The following FRK variants were observed in gnomAD, a reference collection of about 807,000 sequenced individuals.
FRK encodes tyrosine-protein kinase FRK.
In FRK, 51 loss-of-function variants were observed where a neutral mutation model predicts 56.4. The ratio of observed to expected loss-of-function variants is 0.90; its 90% CI spans 0.72 to 1.14. FRK has a LOEUF of 1.14. Among genes scored for constraint, FRK ranks in the 50% most tolerant of loss-of-function variants. The pLI is 0.00. For missense variants in FRK, 570 were observed against 601.4 expected (o/e 0.95, Z 0.55); for synonymous variants, 245 against 217.9 (o/e 1.12, Z -1.10).
chr6:116,041,786 C>T (rs1562300816), intron 1 of FRK, among the ~76,000 whole-genome samples: 1 of 152,212 alleles, frequency 6.6e-6, no homozygotes, highest in East Asian at 1.9e-4. Flanking sequence ...CCAATGCCAC[C>T]AGGGCCCTGG....
At chr6:115,951,782 G>T (rs1772764013) in intron 5 of FRK, among the ~76,000 whole-genome samples, 1 of 152,098 alleles carries the variant, frequency 6.6e-6, no homozygotes, top group South Asian at 2.1e-4. Context: ...TACTTTGAAG[G>T]GTGCAGTAGC....
intron 2 of FRK, among the ~76,000 whole-genome samples, chr6:115,993,986 G>A (rs964020425): frequency 1.3e-5 from 2 of 151,932 alleles, no homozygotes; most frequent in African/African-American, 4.8e-5. Flanking sequence ...AGTGAATTAT[G>A]TCTCAAATGT....
the FRK span, among the ~76,000 whole-genome samples, chr6:116,073,681 T>G: frequency 6.6e-6 from 1 of 152,170 alleles, no homozygotes; most frequent in Non-Finnish European, 1.5e-5. Context: ...TTATTTTCCT[T>G]GTACATATTA....
intron 2 of FRK, among the ~76,000 whole-genome samples, chr6:115,984,144 TCCACTGTGTATCTA>T (rs759514461): frequency 2.2e-4 from 33 of 152,222 alleles, no homozygotes; most frequent in Non-Finnish European, 4.0e-4. Context: ...GTCCTTAGCA[TCCACTGTGTATCTA>T]CCTCTGTTAT....
intron 1 of FRK, among the ~76,000 whole-genome samples, chr6:116,027,504 T>G (rs1776136086): frequency 1.3e-5 from 2 of 152,144 alleles, no homozygotes; most frequent in Non-Finnish European, 2.9e-5. Context: ...ATTTAACTTT[T>G]TAAAAACTAG....
chr6:116,012,668 G>A (rs1775514318), intron 1 of FRK, among the ~76,000 whole-genome samples: 1 of 152,080 alleles, frequency 6.6e-6, no homozygotes, highest in African/African-American at 2.4e-5. Context: ...TTCAATTTGG[G>A]CATTTTATAT....
chr6:116,062,470 A>G (rs961038344), upstream of FRK, among the ~76,000 whole-genome samples: 1 of 152,048 alleles, frequency 6.6e-6, no homozygotes, highest in Admixed American at 6.6e-5. Context: ...ATGAAAAAAA[A>G]AAAAAGAAAA....
intron 1 of FRK, among the ~76,000 whole-genome samples, chr6:116,044,380 C>A (rs546262755): frequency 6.6e-6 from 1 of 152,306 alleles, no homozygotes; most frequent in Non-Finnish European, 1.5e-5. Flanking sequence ...AAAAAGTTAT[C>A]CACCATAATC....
chr6:115,949,780 T>C (rs1278170275), intron 5 of FRK, among the ~76,000 whole-genome samples: 1 of 151,622 alleles, frequency 6.6e-6, no homozygotes, highest in Non-Finnish European at 1.5e-5. Flanking sequence ...GACTTCAAAC[T>C]ATACTACAAT....
intron 1 of FRK, among the ~76,000 whole-genome samples, chr6:116,040,225 T>A (rs914310066): frequency 2.0e-5 from 3 of 152,168 alleles, no homozygotes; most frequent in East Asian, 3.8e-4. Flanking sequence ...AAGTCATATG[T>A]AAATGACTTT....
chr6:116,062,097 C>T (rs561673584), upstream of FRK, among the ~76,000 whole-genome samples: 3 of 152,250 alleles, frequency 2.0e-5, no homozygotes, highest in African/African-American at 7.2e-5. Flanking sequence ...GTGCAAAAAT[C>T]AGTCCATAGC....
intron 1 of FRK, among the ~76,000 whole-genome samples, chr6:116,018,436 G>A (rs1284062443): frequency 6.6e-6 from 1 of 152,228 alleles, no homozygotes; most frequent in South Asian, 2.1e-4. Context: ...GCATCCTCTC[G>A]CTGTCCAGAA....
chr6:116,056,841 C>A (rs1341264829), intron 1 of FRK, among the ~76,000 whole-genome samples: 4 of 152,040 alleles, frequency 2.6e-5, no homozygotes, highest in Non-Finnish European at 5.9e-5. Context: ...TTCATAAAGA[C>A]AAAATAAATC....
At chr6:115,944,045 G>A (rs1023792719) in intron 6 of FRK, among the ~76,000 whole-genome samples, 199 bp downstream of exon 6, 2 of 152,064 alleles carry the variant, frequency 1.3e-5, no homozygotes, top group Admixed American at 1.3e-4. Context: ...GTTGGTCATT[G>A]TTTTCTTTAT....
At chr6:115,994,338 C>CCCCCCT (rs1554230544) in intron 2 of FRK, among the ~76,000 whole-genome samples, 5 of 91,758 alleles carry the variant, frequency 5.4e-5, no homozygotes, top group Non-Finnish European at 7.3e-5. Flanking sequence ...CCCCCCCCGC[C>CCCCCCT]TTTTTTTTGT....
At chr6:116,062,657 C>T (rs1193797921), upstream of FRK, among the ~76,000 whole-genome samples, 1 of 152,138 alleles carries the variant, frequency 6.6e-6, no homozygotes, top group Non-Finnish European at 1.5e-5. Flanking sequence ...AGTCATTGAG[C>T]AAGTGAGTGA....
chr6:116,028,708 T>TTAGG lies in FRK; in HGVS notation c.345-24714_345-24711dup, dbSNP rs374651864. Among the ~76,000 whole-genome samples, 599 of 152,204 alleles carry TTAGG rather than the reference T, an allele frequency of 3.9e-3. 4 individuals carry two copies. The highest frequency in any genetic ancestry group is 0.014 in the African/African-American group (579 of 41,536). ...AATTTCCCCTTTATATAAGTACATA[T>TTAGG]TAGGGCTCCATCCTATGCCCGTATG... On this transcript the variant is annotated intron_variant, in intron 1 of 7. Transcript: ENST00000606080.
At chr6:116,081,660 A>AAT in the FRK span, among the ~76,000 whole-genome samples, 7,896 of 148,752 alleles carry the variant, frequency 0.053, 242 homozygotes, top group South Asian at 0.087. Flanking sequence ...TCCATATAAA[A>AAT]ATATATATAT....
At chr6:116,031,359 A>G (rs1435773544) in intron 1 of FRK, among the ~76,000 whole-genome samples, 1 of 152,158 alleles carries the variant, frequency 6.6e-6, no homozygotes, top group Non-Finnish European at 1.5e-5. Flanking sequence ...CCTGAAAAAT[A>G]TATTTTAGTA....
Sources: allele counts gnomAD v4.1 joint callset (sites outside exome capture counted in the v4.1 genomes callset), GRCh38; gene constraint gnomAD v4.1.1; transcripts MANE v1.5; gene names NCBI Gene and HGNC (gene_info 2026-07-23, HGNC 2026-07-21).